The following POLL variants were observed in gnomAD, a reference collection of about 807,000 sequenced individuals.
The protein encoded by POLL is DNA polymerase beta-2.
A neutral mutation model predicts 58.1 loss-of-function variants in POLL; 44 were observed. The ratio of observed to expected loss-of-function variants is 0.76; its 90% CI spans 0.60 to 0.97. The LOEUF (loss-of-function observed/expected upper bound fraction) is 0.97, where lower values mean the gene tolerates loss of function less well. POLL is among the 50% of genes least tolerant of loss of function. The pLI, the probability that POLL is intolerant of heterozygous loss-of-function variation, is 0.00. For missense variants in POLL, 632 were observed against 736.8 expected, an observed-to-expected ratio of 0.86 and a Z score of 1.65; for synonymous variants, 290 against 283.2, an observed-to-expected ratio of 1.02 and a Z score of -0.24.
Position 101,580,180 on chromosome 10 carries a change from C to G in POLL, c.1363+68G>C, listed in dbSNP as rs2062903701. On this transcript the variant is annotated intron_variant, in intron 8 of 8. Transcript: ENST00000370162. The surrounding 1 kb of genome is among the most constrained non-coding windows in gnomAD (Gnocchi z 4.1). ...CAGGACTGGAACTTCTGAGGTTCTC[C>G]CTCTGAGGGGGCCCCCAGACCTGTG... The G allele has an allele frequency of 6.5e-6, 9 of 1,386,106 alleles. No individual in the cohort carries two copies. The highest frequency in any genetic ancestry group is 1.4e-5 in the African/African-American group (1 of 69,596). 85.9% of individuals were successfully genotyped at this position (1,386,106 alleles called of 1,614,324 possible).
rs757253356 is a variant in POLL, at chr10:101,584,619, G to A, written c.874C>T (p.Pro292Ser). The change falls in exon 5 of 9, where the codon CCT (proline) becomes TCT (serine). Residue 292 changes from proline to serine, a missense_variant. Transcript: ENST00000370162. The part of the protein sequence containing the change: ...AINALKSFHK[P>S]VTSYQEACSI... ...CTGGGTACCTGGTACGAGGTGACAGGCTTATGGAAGCTCTTGAGGGCATTG... is the reference window on the plus strand; with the variant it reads ...CTGGGTACCTGGTACGAGGTGACAGACTTATGGAAGCTCTTGAGGGCATTG... 6.3e-7 allele frequency: 1 copy of A among 1,582,194 alleles called. No individual in the cohort carries two copies. Among genetic ancestry groups the A allele is most frequent in the Admixed American group, 1.8e-5 (1 of 55,486 alleles).
At chr10:101,586,219 G>T in intron 2 of POLL, 63 bp from the exon 3 acceptor site, 1 of 1,416,356 alleles carries the variant, frequency 7.1e-7, no homozygotes, top group Non-Finnish European at 9.8e-7. Flanking sequence ...GCCACCCCCT[G>T]GCCACGACAT....
Position 101,585,366 on chromosome 10 carries a change from G to A in POLL, c.523C>T (p.Pro175Ser), listed in dbSNP as rs148922523. ...TTTGCCTTTTGGGGAGGAGACACAG[G>A]CCTGGTGGGAGGAGGAGGAGGAGAA... ...ALSPPPPPTR[P>S]VSPPQKAKEA... Residue 175 changes from proline to serine, a missense_variant, in exon 4 of 9, where the codon CCT becomes TCT. By Grantham distance (74) the Pro-to-Ser change is moderately conservative (BLOSUM62 -1). Transcript: ENST00000370162. The A allele has an allele frequency of 4.9e-5, 78 of 1,604,478 alleles. No homozygotes were observed. The highest frequency in any genetic ancestry group is 6.6e-5 in the Non-Finnish European group (77 of 1,175,434).
chr10:101,587,371 C>G lies in POLL; in HGVS notation c.-11G>C. ...ACCCCTGGGATCCATTGAAGTATGG[C>G]TGGATCCCGGCCTATTGGAGCGTTG... On this transcript the variant is annotated 5_prime_UTR_variant, in exon 2 of 9. Coordinates refer to ENST00000370162, the MANE Select transcript of POLL (RefSeq NM_001174084.2). 1 of 1,613,650 alleles carries G rather than the reference C, an allele frequency of 6.2e-7. No homozygotes were observed.
rs2063471735 is a variant in POLL, at chr10:101,587,822, C to T, written c.-47G>A. ...TAAACCCCACATACTATTTCTCTAC[C>T]TCCAACACAGACTCGCAGAGGAAGG... On this transcript the variant is annotated splice_region_variant and 5_prime_UTR_variant, in exon 1 of 9. Coordinates refer to ENST00000370162, the MANE Select transcript of POLL (RefSeq NM_001174084.2). The T allele has an allele frequency of 1.7e-6, 2 of 1,191,268 alleles. No homozygotes were observed. The highest frequency in any genetic ancestry group is 2.1e-6 in the Non-Finnish European group (2 of 942,748). The allele number at this position is 1,191,268 out of a possible 1,614,324, so 73.8% of individuals were successfully genotyped here.
Position 101,578,946 on chromosome 10 carries a change from G to A in POLL, c.*507C>T. 5.8e-6 allele frequency: 1 copy of A among 171,602 alleles called. No homozygotes were observed. The highest frequency in any genetic ancestry group is 1.3e-5 in the Non-Finnish European group (1 of 78,980). 10.6% of individuals were successfully genotyped at this position (171,602 alleles called of 1,614,324 possible). The stretch of plus-strand genomic sequence containing the variant: ...CAACACTGTCCTCACCAAGGCTGGG[G>A]CACCCCATTCCCAGCACCACCAGCT... On this transcript the variant is annotated 3_prime_UTR_variant, in exon 9 of 9. Transcript: ENST00000370162.
Position 101,587,965 on chromosome 10 carries a change from G to A in POLL, c.-190C>T. 4 of 1,277,078 alleles carry A rather than the reference G, an allele frequency of 3.1e-6. No homozygotes were observed. Among genetic ancestry groups the A allele is most frequent in the Non-Finnish European group, 4.1e-6 (4 of 984,302 alleles). The allele number at this position is 1,277,078 out of a possible 1,614,324, so 79.1% of individuals were successfully genotyped here. On this transcript the variant is annotated 5_prime_UTR_variant, in exon 1 of 9. Transcript: ENST00000370162. ...GATGGGGCACGGCCGCAGCAGGTGT[G>A]GGGAGCCCTCCGGGAATGGAGGAGT...
Position 101,584,833 on chromosome 10 carries a change from G to T in POLL, c.660C>A (p.Pro220=), listed in dbSNP as rs1430421072. 1.3e-6 allele frequency: 2 copies of T among 1,538,234 alleles called. No homozygotes were observed. Among genetic ancestry groups the T allele is most frequent in the Admixed American group, 2.0e-5 (1 of 51,218 alleles). ...DLEALISGHY[P]TSLEGDCEPS... ...GCTCACAATCTCCCTCAAGGGAGGT[G>T]GGGTAGTGGCCACTGATGAGGGCTT... The change falls in exon 5 of 9, where the codon CCC becomes CCA. Residue 220 remains proline, a synonymous_variant. Transcript: ENST00000370162.
chr10:101,581,073 G>A (rs1432395951), intron 7 of POLL: 3 of 152,270 alleles, frequency 2.0e-5, no homozygotes, highest in Non-Finnish European at 2.9e-5. Context: ...GTCCCTCTGA[G>A]GAAAAATAAA....
In POLL at chr10:101,582,783, C is replaced by A. The variant is rs1336353536; in HGVS notation, c.1174G>T (p.Ala392Ser). 5.0e-6 allele frequency: 8 copies of A among 1,614,204 alleles called. No individual in the cohort carries two copies. Among genetic ancestry groups the A allele is most frequent in the Admixed American group, 3.3e-5 (2 of 60,022 alleles). The change falls in exon 7 of 9, where the codon GCT becomes TCT. Residue 392 changes from alanine (A) to serine (S), a missense_variant. By Grantham distance (99) the Ala-to-Ser change is moderately conservative (BLOSUM62 1). Coordinates refer to ENST00000370162, the MANE Select transcript of POLL (RefSeq NM_001174084.2). ...CTTACTGTCTGCTCAATCTCTGTAG[C>A]CTCCTCCCTGGGCATACGTTCCAGG... ...DFLERMPREE[A>S]TEIEQTVQKA...
chr10:101,583,580 G>A lies in POLL; in HGVS notation c.993C>T (p.Ser331=), dbSNP rs148400497. Residue 331 remains serine, a synonymous_variant, in exon 6 of 9, where the codon AGC becomes AGT. Transcript: ENST00000370162. ...HLRKLDHISE[S]VPVLELFSNI... ...TGGAGAAGAGCTCCAAGACAGGCAC[G>A]CTCTCACTGATATGGTCCAGCTTCC... is the stretch of plus-strand genomic sequence containing the variant. 74 of 1,614,030 alleles carry A rather than the reference G, an allele frequency of 4.6e-5. No individual in the cohort carries two copies. Among genetic ancestry groups the A allele is most frequent in the African/African-American group, 2.4e-4 (18 of 75,032 alleles).
intron 1 of POLL, chr10:101,587,618 G>A: frequency 9.5e-7 from 1 of 1,048,850 alleles, no homozygotes; most frequent in Non-Finnish European, 1.3e-6. Flanking sequence ...TGAGGGGAAG[G>A]CTGGTGCCAT....
chr10:101,587,511 G>A, intron 1 of POLL, 105 bp from the exon 2 acceptor site: 1 of 1,484,978 alleles, frequency 6.7e-7, no homozygotes, highest in Non-Finnish European at 9.0e-7. Flanking sequence ...TGGGGAAGCG[G>A]GTCGGGGGAG....
chr10:101,579,311 G>T lies in POLL; in HGVS notation c.*142C>A. ...GGAGCCGGGCTGGCTCTTGCTTCAGGCCCAGAGCCCTGGGCCCTGCTCGCT... is the reference window on the plus strand; with the variant it reads ...GGAGCCGGGCTGGCTCTTGCTTCAGTCCCAGAGCCCTGGGCCCTGCTCGCT... On this transcript the variant is annotated 3_prime_UTR_variant, in exon 9 of 9. Coordinates refer to ENST00000370162, the MANE Select transcript of POLL (RefSeq NM_001174084.2). The surrounding 1 kb of genome is among the most constrained non-coding windows in gnomAD (Gnocchi z 4.4). 1 of 982,678 alleles carries T rather than the reference G, an allele frequency of 1.0e-6. No homozygotes were observed. The highest frequency in any genetic ancestry group is 1.6e-5 in the African/African-American group (1 of 61,504). 60.9% of individuals were successfully genotyped at this position (982,678 alleles called of 1,614,324 possible).
At position 101,586,123 on chromosome 10, in the gene POLL, C is replaced by A. The variant is rs548269958; in HGVS notation, c.149G>T (p.Arg50Leu). ...TGCCCGGGCTCGTCCAATGCCAGTG[C>A]GCACAACATGGGCCCGAAGGGAGCT... ...WLSSLRAHVV[R>L]TGIGRARAEL... The change falls in exon 3 of 9, where the codon CGC becomes CTC. Residue 50 changes from arginine (R) to leucine (L), a missense_variant. Transcript: ENST00000370162. The A allele has an allele frequency of 1.2e-6, 2 of 1,613,606 alleles. No homozygotes were observed. The highest frequency in any genetic ancestry group is 1.7e-5 in the Admixed American group (1 of 60,020).
Position 101,588,252 on chromosome 10 carries a change from C to T in POLL, c.-477G>A, listed in dbSNP as rs1365526171. 8 of 1,557,398 alleles carry T rather than the reference C, an allele frequency of 5.1e-6. No individual in the cohort carries two copies. Among genetic ancestry groups the T allele is most frequent in the Non-Finnish European group, 7.0e-6 (8 of 1,149,754 alleles). On this transcript the variant is annotated 5_prime_UTR_variant, in exon 1 of 9. Coordinates refer to ENST00000370162, the MANE Select transcript of POLL (RefSeq NM_001174084.2). ...GAAGGGGGGAAGGAGGGCAAATGGC[C>T]AGAATAGCTTCCGAGTCAGCCGGAA... is the stretch of plus-strand genomic sequence containing the variant.
chr10:101,586,213 C>T (rs1391014140), intron 2 of POLL, 57 bp from the exon 3 acceptor site: 6 of 1,469,526 alleles, frequency 4.1e-6, no homozygotes, highest in Middle Eastern at 2.4e-4. Context: ...TTATCTGCCA[C>T]CCCCTGGCCA....
intron 3 of POLL, 39 bp downstream of exon 3, chr10:101,585,823 A>C (rs778336086): frequency 2.0e-6 from 3 of 1,465,174 alleles, no homozygotes; most frequent in South Asian, 1.4e-5. Flanking sequence ...TCAAGATGCT[A>C]CTAGAAAACA....
At chr10:101,582,036 GT>G (rs2063028448) in intron 7 of POLL, 1 of 152,268 alleles carries the variant, frequency 6.6e-6, no homozygotes, top group African/African-American at 2.4e-5. Flanking sequence ...ATTTTTGTAT[GT>G]TTTATAGAGA....
Sources: gnomAD v4.1 joint callset for allele counts on GRCh38, gnomAD v4.1.1 for gene constraint, Gnocchi (gnomAD v3.1) non-coding constraint, MANE v1.5 for transcripts, NCBI Gene and HGNC (gene_info 2026-07-23, HGNC 2026-07-21) for gene names.